The following SGMS1 variants were observed in gnomAD, a reference collection of about 807,000 sequenced individuals.
The protein encoded by SGMS1 is phosphatidylcholine:ceramide cholinephosphotransferase 1.
A neutral mutation model predicts 46.2 loss-of-function variants in SGMS1; 13 were observed. The observed-to-expected ratio is 0.28, with a 90% CI of 0.18 to 0.45. SGMS1 has a LOEUF of 0.45. SGMS1 is among the 20% of genes least tolerant of loss of function. SGMS1 has a pLI of 1.00. For synonymous variants in SGMS1, 203 were observed against 187.8 expected, an observed-to-expected ratio of 1.08 and a Z score of -0.66; for missense variants, 324 against 519.9, an observed-to-expected ratio of 0.62 and a Z score of 3.66.
At chr10:50,594,617 T>C (rs1215031274) in intron 1 of SGMS1, among the ~76,000 whole-genome samples, 3 of 152,180 alleles carry the variant, frequency 2.0e-5, no homozygotes, top group South Asian at 4.1e-4. Flanking sequence ...TAAAAAGCTG[T>C]CCTTTATAGG....
intron 6 of SGMS1, among the ~76,000 whole-genome samples, chr10:50,427,966 T>G (rs1016424225): frequency 6.7e-6 from 1 of 148,302 alleles, no homozygotes; most frequent in African/African-American, 2.5e-5. Context: ...CTAAGCTGCG[T>G]GTGAATGAGA....
At chr10:50,549,768 T>C (rs977994210) in intron 2 of SGMS1, among the ~76,000 whole-genome samples, 9 of 152,180 alleles carry the variant, frequency 5.9e-5, no homozygotes, top group Non-Finnish European at 1.2e-4. Context: ...TTATAAGACA[T>C]GCAGATTAAA....
intron 6 of SGMS1, among the ~76,000 whole-genome samples, chr10:50,358,713 A>T (rs1390168357): frequency 6.6e-6 from 1 of 152,088 alleles, no homozygotes; most frequent in East Asian, 1.9e-4. Flanking sequence ...GTAAATAATA[A>T]CCTAACAGAT....
At chr10:50,323,790 A>G (rs916905818) in intron 8 of SGMS1, among the ~76,000 whole-genome samples, 9 of 152,130 alleles carry the variant, frequency 5.9e-5, no homozygotes, top group African/African-American at 9.7e-5. Flanking sequence ...AAGTTGTATC[A>G]ATTTGGTCTC....
At chr10:50,597,210 A>G (rs1838602904) in intron 1 of SGMS1, among the ~76,000 whole-genome samples, 1 of 152,256 alleles carries the variant, frequency 6.6e-6, no homozygotes, top group South Asian at 2.1e-4. Context: ...AATGCCAAAC[A>G]AACACATGAA....
At chr10:50,448,742 C>CAA (rs35580756) in intron 5 of SGMS1, among the ~76,000 whole-genome samples, 22,441 of 57,164 alleles carry the variant, frequency 0.39, 2,471 homozygotes, top group East Asian at 0.63. Flanking sequence ...GAAACTCCGC[C>CAA]AAAAAAAAAA....
chr10:50,370,318 A>G (rs1295004297), intron 6 of SGMS1, among the ~76,000 whole-genome samples: 1 of 152,142 alleles, frequency 6.6e-6, no homozygotes, highest in African/African-American at 2.4e-5. Flanking sequence ...CCTTTGTAAT[A>G]ACACTTAGCT....
At chr10:50,443,345 A>C (rs1466360638) in intron 5 of SGMS1, among the ~76,000 whole-genome samples, 2 of 152,158 alleles carry the variant, frequency 1.3e-5, no homozygotes, top group Non-Finnish European at 2.9e-5. Flanking sequence ...TTTGTCTGCT[A>C]GAACACTAAC....
chr10:50,338,757 T>G (rs1355581879), intron 7 of SGMS1, among the ~76,000 whole-genome samples: 1 of 152,096 alleles, frequency 6.6e-6, no homozygotes, highest in Non-Finnish European at 1.5e-5. Flanking sequence ...TTTTTTTTTT[T>G]TTTTAGAGTT....
chr10:50,456,620 A>G (rs190051195), intron 5 of SGMS1, among the ~76,000 whole-genome samples: 8 of 152,260 alleles, frequency 5.3e-5, no homozygotes, highest in African/African-American at 1.9e-4. Context: ...TTAATACTAC[A>G]TTATGCATGT....
chr10:50,541,701 C>T (rs1298184629), intron 2 of SGMS1, among the ~76,000 whole-genome samples: 1 of 152,190 alleles, frequency 6.6e-6, no homozygotes, highest in Non-Finnish European at 1.5e-5. Context: ...CTGAGCCACC[C>T]ACTCTGGGAG....
intron 6 of SGMS1, among the ~76,000 whole-genome samples, chr10:50,395,042 G>A (rs1234953362): frequency 2.0e-5 from 3 of 152,086 alleles, no homozygotes; most frequent in Admixed American, 6.6e-5. Context: ...AATACTTTGC[G>A]TGAGCTCACA....
intron 3 of SGMS1, among the ~76,000 whole-genome samples, chr10:50,507,693 A>C (rs954330376): frequency 4.6e-5 from 7 of 152,186 alleles, no homozygotes; most frequent in African/African-American, 1.7e-4. Context: ...AAATTAGCCA[A>C]CTACCAGCCA....
At chr10:50,374,410 G>T (rs957415268) in intron 6 of SGMS1, among the ~76,000 whole-genome samples, 1 of 151,892 alleles carries the variant, frequency 6.6e-6, no homozygotes, top group African/African-American at 2.4e-5. Context: ...ATATGAGAGT[G>T]CACTCTCTCC....
At chr10:50,491,523 T>C (rs939509702) in intron 3 of SGMS1, among the ~76,000 whole-genome samples, 2 of 152,168 alleles carry the variant, frequency 1.3e-5, no homozygotes, top group Non-Finnish European at 2.9e-5. Flanking sequence ...AGGACACTGA[T>C]AGGTCAGAAT....
At chr10:50,546,766 A>G (rs2133826200) in intron 2 of SGMS1, among the ~76,000 whole-genome samples, 2 of 152,276 alleles carry the variant, frequency 1.3e-5, no homozygotes, top group East Asian at 3.9e-4. Flanking sequence ...AGATATACCC[A>G]ATGTAAATTA....
chr10:50,428,267 A>C (rs533058853), intron 6 of SGMS1, among the ~76,000 whole-genome samples: 2 of 152,292 alleles, frequency 1.3e-5, no homozygotes, highest in African/African-American at 4.8e-5. Flanking sequence ...TGATAGTCCC[A>C]TGGCAAAGAA....
intron 2 of SGMS1, among the ~76,000 whole-genome samples, chr10:50,570,605 A>G (rs1189915735): frequency 6.6e-6 from 1 of 152,116 alleles, no homozygotes. Flanking sequence ...TCCTAATAAC[A>G]TAGTATTGAG....
At chr10:50,569,571 T>C (rs1838319586) in intron 2 of SGMS1, among the ~76,000 whole-genome samples, 1 of 152,168 alleles carries the variant, frequency 6.6e-6, no homozygotes, top group Admixed American at 6.5e-5. Context: ...CAAACAGCTT[T>C]ACTGGTCATT....
Sources: allele counts gnomAD v4.1 joint callset (sites outside exome capture counted in the v4.1 genomes callset), GRCh38; gene constraint gnomAD v4.1.1; transcripts MANE v1.5; gene names NCBI Gene and HGNC (gene_info 2026-07-23, HGNC 2026-07-21).